RANBP2: variants seen among roughly 807,000 people sequenced by gnomAD.
RANBP2 encodes the protein E3 SUMO-protein ligase RanBP2.
A neutral mutation model predicts 303.6 loss-of-function variants in RANBP2; 57 were observed. The observed-to-expected ratio is 0.19, with a 90% CI of 0.15 to 0.23. RANBP2 has a LOEUF of 0.23. Among genes scored for constraint, RANBP2 ranks in the 10% least tolerant of loss-of-function variants. RANBP2 has a pLI of 1.00. For synonymous variants in RANBP2, 1,167 were observed against 1,301.5 expected (o/e 0.90, Z 2.23); for missense variants, 3,138 against 3,780.8 (o/e 0.83, Z 4.46).
At chr2:109,293,248 G>A in the RANBP2 span, among the ~76,000 whole-genome samples, 3 of 152,248 alleles carry the variant, frequency 2.0e-5, no homozygotes, top group Non-Finnish European at 4.4e-5. Context: ...GAGGACAGAG[G>A]GATGGTGGAG....
the RANBP2 span, among the ~76,000 whole-genome samples, chr2:109,520,728 C>T: frequency 7.2e-6 from 1 of 138,220 alleles, no homozygotes. Flanking sequence ...GTCAGGAGTT[C>T]GAGACCAGCC....
At chr2:108,940,562 G>A in the RANBP2 span, among the ~76,000 whole-genome samples, 2 of 152,370 alleles carry the variant, frequency 1.3e-5, no homozygotes, top group Admixed American at 1.3e-4. Context: ...GGGCGGAGGT[G>A]AGAGCAGCCA....
chr2:109,528,309 C>T, the RANBP2 span, among the ~76,000 whole-genome samples: 850 of 152,366 alleles, frequency 5.6e-3, 5 homozygotes, highest in Admixed American at 8.9e-3. Context: ...CAGCACAAGG[C>T]CCAGCAGAGC....
At chr2:109,624,393 C>G in the RANBP2 span, among the ~76,000 whole-genome samples, 1 of 152,200 alleles carries the variant, frequency 6.6e-6, no homozygotes, top group Non-Finnish European at 1.5e-5. Context: ...TTATTCTGAA[C>G]CATGACACAT....
chr2:109,597,247 G>T, the RANBP2 span, among the ~76,000 whole-genome samples: 3 of 152,162 alleles, frequency 2.0e-5, no homozygotes, highest in Non-Finnish European at 4.4e-5. Context: ...GGCTGGAAAA[G>T]GTTTTTAATA....
the RANBP2 span, among the ~76,000 whole-genome samples, chr2:108,889,357 G>A: frequency 2.0e-5 from 3 of 152,060 alleles, no homozygotes; most frequent in Non-Finnish European, 2.9e-5. Context: ...ATTTTCTGTC[G>A]AGGTGATCTA....
At chr2:109,299,687 C>T in the RANBP2 span, among the ~76,000 whole-genome samples, 6 of 152,150 alleles carry the variant, frequency 3.9e-5, no homozygotes, top group South Asian at 2.1e-4. Context: ...CAGTTCTGCC[C>T]GGAATGTTCT....
At chr2:109,126,416 C>G in the RANBP2 span, among the ~76,000 whole-genome samples, 1 of 152,176 alleles carries the variant, frequency 6.6e-6, no homozygotes, top group Non-Finnish European at 1.5e-5. Flanking sequence ...CTGCCCAGCA[C>G]GGCAATTCTT....
the RANBP2 span, among the ~76,000 whole-genome samples, chr2:109,653,518 C>T: frequency 6.6e-6 from 1 of 152,100 alleles, no homozygotes; most frequent in African/African-American, 2.4e-5. Context: ...TTTCATCCTT[C>T]CCACTGGATC....
At chr2:109,005,295 C>G in the RANBP2 span, among the ~76,000 whole-genome samples, 1 of 152,206 alleles carries the variant, frequency 6.6e-6, no homozygotes, top group Admixed American at 6.5e-5. Flanking sequence ...TTCCCCTGTC[C>G]TAAGTTTTCT....
In RANBP2 at chr2:108,719,614, G is replaced by A; in HGVS notation, c.8G>A (p.Arg3His). Residue 3 changes from arginine to histidine, a missense_variant, in exon 1 of 29, where the codon CGC becomes CAC. By Grantham distance (29) the Arg-to-His change is conservative. Around this residue, in one of 20 missense-constraint regions of RANBP2, gnomAD observed 306 missense variants for 381.9 expected, o/e 0.80. Transcript: ENST00000283195. ...AGCCAGGTTGGCGGCGCGATGAGGCGCAGCAAGGCTGACGTGGAGCGGTAC... is the reference window on the plus strand; with the variant it reads ...AGCCAGGTTGGCGGCGCGATGAGGCACAGCAAGGCTGACGTGGAGCGGTAC... Reference protein sequence around the residue: MRRSKADVERYIA... With the variant: MRHSKADVERYIA... 6.2e-7 allele frequency: 1 copy of A among 1,605,240 alleles called. No individual in the cohort carries two copies. The highest frequency in any genetic ancestry group is 8.5e-7 in the Non-Finnish European group (1 of 1,177,182).
At chr2:109,057,839 T>C in the RANBP2 span, among the ~76,000 whole-genome samples, 9 of 152,184 alleles carry the variant, frequency 5.9e-5, no homozygotes, top group Non-Finnish European at 1.3e-4. Context: ...CTCTGTGTGT[T>C]TTCTCCTGCC....
At chr2:109,187,879 G>A in the RANBP2 span, among the ~76,000 whole-genome samples, 1 of 152,110 alleles carries the variant, frequency 6.6e-6, no homozygotes, top group African/African-American at 2.4e-5. Context: ...TCTTCCTGCC[G>A]CCGTCACCGT....
the RANBP2 span, chr2:108,873,562 T>A: frequency 6.2e-7 from 1 of 1,609,966 alleles, no homozygotes; most frequent in Non-Finnish European, 8.5e-7. Context: ...AAACTCAGTA[T>A]TATTTTACAG....
At chr2:109,690,001 G>A in the RANBP2 span, among the ~76,000 whole-genome samples, 3 of 152,020 alleles carry the variant, frequency 2.0e-5, no homozygotes, top group Non-Finnish European at 2.9e-5. Flanking sequence ...ATGCACGTAC[G>A]GCACAAAGAT....
At chr2:109,487,950 G>T in the RANBP2 span, among the ~76,000 whole-genome samples, 1,175 of 152,342 alleles carry the variant, frequency 7.7e-3, 26 homozygotes, top group African/African-American at 0.027. Context: ...CTAGAGGGGA[G>T]CCTAGACGGG....
At chr2:108,870,260 AAAAG>A in the RANBP2 span, among the ~76,000 whole-genome samples, 1 of 152,244 alleles carries the variant, frequency 6.6e-6, no homozygotes. Context: ...TTGAACAGGC[AAAAG>A]AAAGAATCAG....
chr2:109,132,951 T>G, the RANBP2 span, among the ~76,000 whole-genome samples: 1 of 152,240 alleles, frequency 6.6e-6, no homozygotes, highest in East Asian at 1.9e-4. Context: ...AATTCCAATT[T>G]TGTTTTGAAA....
chr2:109,108,370 T>C, the RANBP2 span, among the ~76,000 whole-genome samples: 1 of 152,202 alleles, frequency 6.6e-6, no homozygotes, highest in African/African-American at 2.4e-5. Context: ...CCTTTTCTTA[T>C]CAATTTATAT....
Sources: allele counts gnomAD v4.1 joint callset (sites outside exome capture counted in the v4.1 genomes callset), GRCh38; gene constraint gnomAD v4.1.1; regional missense constraint gnomAD v4.1.1; transcripts MANE v1.5; gene names NCBI Gene and HGNC (gene_info 2026-07-23, HGNC 2026-07-21).